Variants in THSD4 observed in about 807,000 individuals in gnomAD.
THSD4 encodes thrombospondin type 1 domain containing 4.
Under a neutral mutation model 119.0 loss-of-function variants are expected in THSD4, and 69 were observed. The ratio of observed to expected loss-of-function variants is 0.58; its 90% CI spans 0.48 to 0.71. The LOEUF is 0.71. THSD4 is among the 30% of genes least tolerant of loss of function. The probability of loss-of-function intolerance (pLI) is 0.00; values close to 1 mark genes in which losing one functional copy is unlikely to be tolerated. For missense variants in THSD4, 1,393 were observed against 1,391.1 expected (o/e 1.00, Z -0.02); for synonymous variants, 524 against 540.4 (o/e 0.97, Z 0.42).
chr15:71,097,284 G>C (rs984767787), intron 1 of THSD4, among the ~76,000 whole-genome samples: 3 of 152,252 alleles, frequency 2.0e-5, no homozygotes, highest in African/African-American at 4.8e-5. Flanking sequence ...GAGGTGAAAG[G>C]CTGGGCACGG....
At chr15:71,448,947 G>C (rs1487872025) in intron 7 of THSD4, among the ~76,000 whole-genome samples, 1 of 152,140 alleles carries the variant, frequency 6.6e-6, no homozygotes, top group Non-Finnish European at 1.5e-5. Flanking sequence ...TGAAAACTGG[G>C]GACTGGCTGT....
At chr15:71,532,668 T>A (rs2048632725) in intron 7 of THSD4, among the ~76,000 whole-genome samples, 1 of 152,168 alleles carries the variant, frequency 6.6e-6, no homozygotes, top group African/African-American at 2.4e-5. Context: ...GTTAAACTCT[T>A]TCACCAGAGT....
At chr15:71,374,478 G>A (rs765718012) in intron 6 of THSD4, among the ~76,000 whole-genome samples, 1 of 152,198 alleles carries the variant, frequency 6.6e-6, no homozygotes, top group Non-Finnish European at 1.5e-5. Flanking sequence ...ATAAGAAGGG[G>A]ATGTGGTAAG....
At chr15:71,705,889 T>C (rs2052383733) in intron 8 of THSD4, among the ~76,000 whole-genome samples, 1 of 152,052 alleles carries the variant, frequency 6.6e-6, no homozygotes, top group African/African-American at 2.4e-5. Flanking sequence ...GTGACGGTAA[T>C]CCAGAGTGGG....
intron 3 of THSD4, among the ~76,000 whole-genome samples, chr15:71,209,019 A>C (rs1368349857): frequency 2.6e-5 from 4 of 152,128 alleles, no homozygotes; most frequent in African/African-American, 9.7e-5. Context: ...ACGGCATGGC[A>C]TGTGTGCTTT....
At chr15:71,647,956 G>A (rs1332989707) in intron 7 of THSD4, among the ~76,000 whole-genome samples, 3 of 152,166 alleles carry the variant, frequency 2.0e-5, no homozygotes. Context: ...CCCGAGAGCA[G>A]CCTGAGAGAT....
rs566180486 is a variant in THSD4, at chr15:71,594,100, G to T, written c.1153-66430G>T. On this transcript the variant is annotated intron_variant, in intron 7 of 17. Coordinates refer to ENST00000261862, the MANE Select transcript of THSD4 (RefSeq NM_024817.3). ...GTGCTGAATGCAGCTCAGCATGGGGGTTGCCTTTTCCTGCCCGGTCCCTCT... is the reference window on the plus strand; with the variant it reads ...GTGCTGAATGCAGCTCAGCATGGGGTTTGCCTTTTCCTGCCCGGTCCCTCT... Among the ~76,000 whole-genome samples, 4 of 152,054 alleles carry T rather than the reference G, an allele frequency of 2.6e-5. 1 individual carries two copies. The highest frequency in any genetic ancestry group is 9.6e-5 in the African/African-American group (4 of 41,474).
chr15:71,199,528 G>GTGTGTGGTGTGTGTA (rs1163661026), intron 3 of THSD4, among the ~76,000 whole-genome samples: 6 of 143,356 alleles, frequency 4.2e-5, no homozygotes, highest in Non-Finnish European at 7.6e-5. Flanking sequence ...TGTGTGTGGG[G>GTGTGTGGTGTGTGTA]TGTGTGGTGT....
chr15:71,735,602 CTCTG>C (rs994363046), intron 10 of THSD4, among the ~76,000 whole-genome samples: 4 of 151,830 alleles, frequency 2.6e-5, no homozygotes, highest in African/African-American at 7.3e-5. Context: ...CTCTCTTGCT[CTCTG>C]TCTCTCTTGC....
At chr15:71,258,309 G>A (rs1567172313) in intron 6 of THSD4, among the ~76,000 whole-genome samples, 1 of 152,120 alleles carries the variant, frequency 6.6e-6, no homozygotes, top group Non-Finnish European at 1.5e-5. Context: ...CTCCCGAGTA[G>A]CTGGGATTAC....
At chr15:71,196,787 C>T (rs1301456278) in intron 3 of THSD4, among the ~76,000 whole-genome samples, 1 of 151,974 alleles carries the variant, frequency 6.6e-6, no homozygotes. Context: ...GGGGGAGATT[C>T]TGGAGGAAGT....
chr15:71,244,038 GC>G (rs1448533415), intron 5 of THSD4, among the ~76,000 whole-genome samples: 1 of 151,864 alleles, frequency 6.6e-6, no homozygotes, highest in Non-Finnish European at 1.5e-5. Flanking sequence ...GCCTGCCTCT[GC>G]CTCCCAAAGT....
chr15:71,200,320 C>T, intron 3 of THSD4, among the ~76,000 whole-genome samples: 1 of 152,094 alleles, frequency 6.6e-6, no homozygotes, highest in East Asian at 1.9e-4. Context: ...ACATCCTGAG[C>T]TGCTGTCCTG....
At chr15:71,258,370 G>C (rs559791222) in intron 6 of THSD4, among the ~76,000 whole-genome samples, 1 of 152,200 alleles carries the variant, frequency 6.6e-6, no homozygotes, top group Non-Finnish European at 1.5e-5. Flanking sequence ...GTAGAGGCAG[G>C]GTTTTGCCAT....
At chr15:71,727,322 C>A (rs1460045707) in intron 8 of THSD4, among the ~76,000 whole-genome samples, 5 of 151,884 alleles carry the variant, frequency 3.3e-5, no homozygotes, top group Non-Finnish European at 1.5e-5. Context: ...TGAAGCTGAC[C>A]AGGTACATGA....
intron 7 of THSD4, among the ~76,000 whole-genome samples, chr15:71,602,595 A>AAAG (rs2050035074): frequency 2.9e-5 from 4 of 140,164 alleles, no homozygotes; most frequent in East Asian, 2.0e-4. Context: ...AAAGAAAAAC[A>AAAG]GTCTCTATCC....
At chr15:71,663,058 G>A (rs1276534459) in intron 8 of THSD4, among the ~76,000 whole-genome samples, 1 of 152,032 alleles carries the variant, frequency 6.6e-6, no homozygotes, top group African/African-American at 2.4e-5. Flanking sequence ...CGACCAGCCT[G>A]CGCAACATCA....
Position 71,703,574 on chromosome 15 carries a change from G to A in THSD4, c.1358-24975G>A, listed in dbSNP as rs147892882. ...AAGAGAGGGGACAGGGTCTTACATC[G>A]CACTGGGGACAGGTCTTACATAGCA... On this transcript the variant is annotated intron_variant, in intron 8 of 17. Transcript: ENST00000261862. 1.5e-3 allele frequency among the ~76,000 whole-genome samples: 232 copies of A among 152,182 alleles called. 1 individual carries two copies. The highest frequency in any genetic ancestry group is 5.2e-3 in the African/African-American group (217 of 41,504).
At chr15:71,752,359 G>T (rs557193196) in intron 14 of THSD4, among the ~76,000 whole-genome samples, 1 of 152,272 alleles carries the variant, frequency 6.6e-6, no homozygotes, top group South Asian at 2.1e-4. Context: ...AGTTCTTGCC[G>T]AATCTAGCTT....
Sources: allele counts gnomAD v4.1 joint callset (sites outside exome capture counted in the v4.1 genomes callset), GRCh38; gene constraint gnomAD v4.1.1; transcripts MANE v1.5; gene names NCBI Gene and HGNC (gene_info 2026-07-23, HGNC 2026-07-21).